MTUS2: variants seen among roughly 807,000 people sequenced by gnomAD.
The protein encoded by MTUS2 is microtubule-associated tumor suppressor candidate 2.
MTUS2 carries 40 observed loss-of-function variants against 114.1 expected under a neutral mutation model. The observed-to-expected ratio is 0.35, with a 90% confidence interval of 0.27 to 0.46. MTUS2 has a LOEUF of 0.46. Among genes scored for constraint, MTUS2 ranks in the 20% least tolerant of loss-of-function variants. The pLI, the probability that MTUS2 is intolerant of heterozygous loss-of-function variation, is 1.00. For synonymous variants in MTUS2, 688 were observed against 672.0 expected, an observed-to-expected ratio of 1.02 and a Z score of -0.37; for missense variants, 1,679 against 1,705.4, an observed-to-expected ratio of 0.98 and a Z score of 0.27.
At chr13:28,878,182 A>G (rs1311147509) in intron 2 of MTUS2, among the ~76,000 whole-genome samples, 2 of 151,828 alleles carry the variant, frequency 1.3e-5, no homozygotes, top group African/African-American at 2.4e-5. Flanking sequence ...ACTTTCAAAC[A>G]TTGAGCTTTG....
intron 4 of MTUS2, among the ~76,000 whole-genome samples, chr13:29,043,533 A>C (rs1448334960): frequency 6.6e-6 from 1 of 151,824 alleles, no homozygotes; most frequent in African/African-American, 2.4e-5. Flanking sequence ...GGGGTACTGA[A>C]GTCTCCCACT....
intron 6 of MTUS2, among the ~76,000 whole-genome samples, chr13:29,283,164 G>A (rs1037395661): frequency 1.1e-4 from 16 of 152,186 alleles, no homozygotes; most frequent in East Asian, 5.8e-4. Context: ...CTTGATGGGA[G>A]TGAAGTATTA....
intron 1 of MTUS2, among the ~76,000 whole-genome samples, chr13:28,836,915 T>A (rs1451664618): frequency 1.3e-5 from 2 of 152,224 alleles, no homozygotes; most frequent in Admixed American, 1.3e-4. Flanking sequence ...GAGGTGGGAT[T>A]TGATCTTTCT....
At chr13:29,457,011 G>T (rs1340034746) in intron 9 of MTUS2, among the ~76,000 whole-genome samples, 1 of 151,800 alleles carries the variant, frequency 6.6e-6, no homozygotes. Context: ...CAGGCATGGT[G>T]GCAGGCACCT....
At chr13:29,500,915 A>G (rs539379949) in intron 14 of MTUS2, among the ~76,000 whole-genome samples, 182 bp from the exon 15 acceptor site, 38 of 152,220 alleles carry the variant, frequency 2.5e-4, no homozygotes, top group African/African-American at 9.1e-4. Flanking sequence ...ATTCTGTTTC[A>G]TTTAAAGAAG....
intron 5 of MTUS2, among the ~76,000 whole-genome samples, chr13:29,211,753 C>A (rs1234717297): frequency 3.9e-5 from 6 of 151,946 alleles, no homozygotes; most frequent in Admixed American, 2.6e-4. Flanking sequence ...TGTTTGGGGG[C>A]AGTCGTTCCC....
At chr13:28,897,162 G>A (rs148365197) in intron 2 of MTUS2, among the ~76,000 whole-genome samples, 2 of 152,108 alleles carry the variant, frequency 1.3e-5, no homozygotes, top group African/African-American at 4.8e-5. Flanking sequence ...ATCTGACAAA[G>A]GGCTAATATC....
chr13:29,157,384 TTTTTAA>T (rs1892907145), intron 5 of MTUS2, among the ~76,000 whole-genome samples: 1 of 152,236 alleles, frequency 6.6e-6, no homozygotes, highest in African/African-American at 2.4e-5. Flanking sequence ...TGTTTTTGAC[TTTTTAA>T]TTTTAATAGT....
chr13:29,056,946 G>A (rs1888161612), intron 4 of MTUS2, among the ~76,000 whole-genome samples: 1 of 151,916 alleles, frequency 6.6e-6, no homozygotes, highest in Non-Finnish European at 1.5e-5. Flanking sequence ...TGGGTCTTTA[G>A]CACTGTACAT....
At chr13:29,212,979 A>G (rs1012753251) in intron 5 of MTUS2, among the ~76,000 whole-genome samples, 2 of 152,120 alleles carry the variant, frequency 1.3e-5, no homozygotes, top group Non-Finnish European at 2.9e-5. Flanking sequence ...GCCTATCCCA[A>G]AACTATCCAG....
chr13:28,917,192 A>G (rs1880792537), intron 2 of MTUS2, among the ~76,000 whole-genome samples: 1 of 151,792 alleles, frequency 6.6e-6, no homozygotes, highest in African/African-American at 2.4e-5. Context: ...TTTTACATCA[A>G]TTTTCATCAG....
chr13:29,128,733 A>G (rs1379457774), intron 5 of MTUS2, among the ~76,000 whole-genome samples: 5 of 152,136 alleles, frequency 3.3e-5, no homozygotes, highest in Non-Finnish European at 5.9e-5. Context: ...TGTGTCACTC[A>G]TGTTGTTAAT....
chr13:29,098,445 TAA>T (rs1210403595), intron 4 of MTUS2, among the ~76,000 whole-genome samples: 3 of 12,238 alleles, frequency 2.5e-4, no homozygotes, highest in African/African-American at 4.0e-4. Flanking sequence ...GCAAGTCATC[TAA>T]ACACACACAC....
At chr13:29,318,405 G>GTTCTTTTT (rs1900109445) in intron 6 of MTUS2, among the ~76,000 whole-genome samples, 1 of 77,042 alleles carries the variant, frequency 1.3e-5, no homozygotes, top group Admixed American at 1.4e-4. Context: ...TTTTTTTTGA[G>GTTCTTTTT]ATGACAGCCT....
chr13:29,441,812 C>T (rs921400157), intron 9 of MTUS2, among the ~76,000 whole-genome samples: 3 of 152,178 alleles, frequency 2.0e-5, no homozygotes, highest in Non-Finnish European at 4.4e-5. Context: ...TGGGAGCCAT[C>T]CTCCTCGATG....
In MTUS2 at chr13:28,942,966, G is replaced by A. The variant is rs115766517; in HGVS notation, c.-242-81491G>A. On this transcript the variant is annotated intron_variant, in intron 2 of 15. Coordinates refer to ENST00000612955, the MANE Select transcript of MTUS2 (RefSeq NM_001033602.4). ...ATATTTTAATAAAAATTTATGAAAC[G>A]ATATATTAATACTAAGAAAAAATGT... 4.8e-3 allele frequency among the ~76,000 whole-genome samples: 733 copies of A among 152,090 alleles called. 4 individuals are homozygous for A. The highest frequency in any genetic ancestry group is 0.016 in the African/African-American group (661 of 41,460).
At chr13:28,898,785 TATC>T (rs766860567) in intron 2 of MTUS2, among the ~76,000 whole-genome samples, 6 of 152,200 alleles carry the variant, frequency 3.9e-5, no homozygotes, top group South Asian at 4.1e-4. Context: ...TAGCAAATAA[TATC>T]ATGTAATGGG....
intron 2 of MTUS2, among the ~76,000 whole-genome samples, chr13:28,840,706 T>G (rs958217213): frequency 6.6e-6 from 1 of 152,160 alleles, no homozygotes; most frequent in South Asian, 2.1e-4. Context: ...CTCTGCCTTG[T>G]TGGGATTCAA....
chr13:29,332,543 G>A (rs147053946), intron 7 of MTUS2, among the ~76,000 whole-genome samples: 2,200 of 150,808 alleles, frequency 0.015, 26 homozygotes, highest in South Asian at 0.024. Flanking sequence ...AGGGTTTTTC[G>A]TATCTCTGTC....
Sources: allele counts gnomAD v4.1 joint callset (sites outside exome capture counted in the v4.1 genomes callset), GRCh38; gene constraint gnomAD v4.1.1; transcripts MANE v1.5; gene names NCBI Gene and HGNC (gene_info 2026-07-23, HGNC 2026-07-21).